Variants in FBXW11 observed in about 807,000 individuals in gnomAD.
FBXW11 encodes F-box/WD repeat-containing protein 11.
FBXW11 carries 19 observed loss-of-function variants against 77.6 expected under a neutral mutation model. The observed-to-expected ratio is 0.24, with a 90% CI of 0.17 to 0.36. The LOEUF (loss-of-function observed/expected upper bound fraction) is 0.36, where lower values mean the gene tolerates loss of function less well. FBXW11 is among the 10% of genes least tolerant of loss of function. FBXW11 has a pLI of 1.00. For missense variants in FBXW11, 334 were observed against 704.2 expected (o/e 0.47, Z 5.95); for synonymous variants, 235 against 249.4 (o/e 0.94, Z 0.54).
intron 1 of FBXW11, among the ~76,000 whole-genome samples, chr5:171,963,993 C>T (rs1468493190): frequency 6.6e-6 from 1 of 152,164 alleles, no homozygotes; most frequent in Non-Finnish European, 1.5e-5. Context: ...ATATTCAAAT[C>T]ACTGCTACAG....
intron 5 of FBXW11, among the ~76,000 whole-genome samples, chr5:171,899,626 G>T (rs1759981524): frequency 6.6e-6 from 1 of 152,034 alleles, no homozygotes; most frequent in African/African-American, 2.4e-5. Flanking sequence ...TCTATATTTT[G>T]GTAATGGTAT....
intron 2 of FBXW11, among the ~76,000 whole-genome samples, chr5:171,946,485 C>CTCCT (rs2113220096): frequency 6.6e-6 from 1 of 152,150 alleles, no homozygotes; most frequent in South Asian, 2.1e-4. Flanking sequence ...TATGACCTTC[C>CTCCT]TCCTTCCTTC....
At chr5:171,895,534 C>T (rs1264136540) in intron 6 of FBXW11, among the ~76,000 whole-genome samples, 1 of 152,090 alleles carries the variant, frequency 6.6e-6, no homozygotes, top group African/African-American at 2.4e-5. Flanking sequence ...AAGAGCACTT[C>T]GGAGGCGTTA....
At chr5:171,896,776 G>A (rs1346691405) in intron 6 of FBXW11, among the ~76,000 whole-genome samples, 2 of 152,080 alleles carry the variant, frequency 1.3e-5, no homozygotes, top group Non-Finnish European at 2.9e-5. Flanking sequence ...ATCACCCAAC[G>A]TGGTTTGATA....
intron 1 of FBXW11, among the ~76,000 whole-genome samples, chr5:171,985,592 C>CA (rs963284355): frequency 8.5e-4 from 127 of 148,886 alleles, no homozygotes; most frequent in African/African-American, 1.3e-3. Context: ...TTCGTCTCTA[C>CA]AAAAAAAAAA....
At chr5:171,915,613 CTGTGTGTGTGTG>C (rs200618306) in intron 2 of FBXW11, among the ~76,000 whole-genome samples, 46 of 129,624 alleles carry the variant, frequency 3.5e-4, no homozygotes, top group African/African-American at 1.2e-3. Flanking sequence ...GTCACTCATT[CTGTGTGTGTGTG>C]TGTGTGTGTG....
chr5:171,911,763 T>C (rs1760897291), intron 3 of FBXW11, among the ~76,000 whole-genome samples: 1 of 152,224 alleles, frequency 6.6e-6, no homozygotes, highest in Non-Finnish European at 1.5e-5. Context: ...AATCAGTACA[T>C]ATTTTTTAAA....
intron 2 of FBXW11, among the ~76,000 whole-genome samples, chr5:171,953,624 C>T (rs867162206): frequency 5.3e-5 from 8 of 152,084 alleles, no homozygotes; most frequent in Middle Eastern, 3.4e-3. Context: ...GATTTCATAC[C>T]CCCCAAGAGT....
intron 1 of FBXW11, among the ~76,000 whole-genome samples, chr5:171,959,531 G>C (rs140303885): frequency 6.6e-6 from 1 of 151,928 alleles, no homozygotes; most frequent in Non-Finnish European, 1.5e-5. Flanking sequence ...AATTAAAACA[G>C]AAAGGAGAGC....
At chr5:171,873,136 T>TG in intron 9 of FBXW11, 146 bp from the exon 10 acceptor site, 1 of 668,602 alleles carries the variant, frequency 1.5e-6, no homozygotes, top group Non-Finnish European at 2.5e-6. Context: ...GTTGGGAGGC[T>TG]GGGGGGCAGA....
chr5:171,936,298 G>T (rs2113125872), intron 2 of FBXW11, among the ~76,000 whole-genome samples: 1 of 151,768 alleles, frequency 6.6e-6, no homozygotes, highest in South Asian at 2.1e-4. Context: ...TTCAAGACCA[G>T]CTAGGCAACA....
chr5:171,972,782 T>C (rs548013827), intron 1 of FBXW11, among the ~76,000 whole-genome samples: 2 of 152,076 alleles, frequency 1.3e-5, no homozygotes, highest in African/African-American at 4.8e-5. Context: ...TGACCTCAGG[T>C]GATCCACCCA....
chr5:171,967,855 CATATATATATATAT>C (rs375683631), intron 1 of FBXW11, among the ~76,000 whole-genome samples: 16,333 of 118,464 alleles, frequency 0.14, 1,420 homozygotes, highest in Admixed American at 0.17. Flanking sequence ...AAAAAAAATG[CATATATATATATAT>C]ATATATATAT....
At chr5:171,987,449 TTTTG>T (rs1044642837) in intron 1 of FBXW11, among the ~76,000 whole-genome samples, 10 of 152,022 alleles carry the variant, frequency 6.6e-5, no homozygotes, top group Middle Eastern at 3.2e-3. Flanking sequence ...TTTGGGTTTT[TTTTG>T]TTTGTTTGTT....
chr5:171,869,849 AT>A lies in FBXW11; in HGVS notation c.1452-43del. ...GATGTGATTAGTGGAAAAGTGAACA[AT>A]TTATATGCTGTCAAACATTTCCTTG... On this transcript the variant is annotated intron_variant, in intron 11 of 13. Transcript: ENST00000517395. This position sits in a 1 kb window ranked among gnomAD's most constrained non-coding sequence, Gnocchi z 4.1. 7.4e-7 allele frequency: 1 copy of A among 1,349,414 alleles called. No homozygotes were observed. The highest frequency in any genetic ancestry group is 1.0e-6 in the Non-Finnish European group (1 of 960,800). The allele number at this position is 1,349,414 out of a possible 1,614,324, so 83.6% of individuals were successfully genotyped here.
chr5:171,985,727 TCTGCACCA>T (rs1377061167), intron 1 of FBXW11, among the ~76,000 whole-genome samples: 2 of 152,158 alleles, frequency 1.3e-5, no homozygotes, highest in Non-Finnish European at 2.9e-5. Flanking sequence ...TGACTGCACC[TCTGCACCA>T]CTTCAGTCTG....
At chr5:171,975,621 C>A (rs918296128) in intron 1 of FBXW11, among the ~76,000 whole-genome samples, 1 of 152,226 alleles carries the variant, frequency 6.6e-6, no homozygotes, top group African/African-American at 2.4e-5. Context: ...AAAAATTAAT[C>A]ACCTCCAGTT....
intron 2 of FBXW11, among the ~76,000 whole-genome samples, chr5:171,929,418 G>A (rs1343895247): frequency 3.3e-5 from 5 of 151,998 alleles, no homozygotes; most frequent in South Asian, 2.1e-4. Context: ...TTGAAAATTC[G>A]TGAACTTGAA....
chr5:171,932,635 T>C (rs934550116), intron 2 of FBXW11, among the ~76,000 whole-genome samples: 3 of 152,106 alleles, frequency 2.0e-5, no homozygotes, highest in Admixed American at 6.6e-5. Context: ...TGGAAGACAA[T>C]TTGGCAGTTT....
Sources: allele counts gnomAD v4.1 joint callset (sites outside exome capture counted in the v4.1 genomes callset), GRCh38; gene constraint gnomAD v4.1.1; non-coding constraint Gnocchi (gnomAD v3.1); transcripts MANE v1.5; gene names NCBI Gene and HGNC (gene_info 2026-07-23, HGNC 2026-07-21).